SEC31A: variants seen among roughly 807,000 people sequenced by gnomAD.
The protein encoded by SEC31A is SEC31 homolog A, COPII component, also known as protein transport protein Sec31A.
Under a neutral mutation model 151.0 loss-of-function variants are expected in SEC31A, and 70 were observed. That is an observed-to-expected ratio of 0.46 (90% CI 0.38 to 0.57). The LOEUF (loss-of-function observed/expected upper bound fraction) is 0.57. SEC31A is among the 20% of genes least tolerant of loss of function. SEC31A has a pLI of 0.00. For missense variants in SEC31A, 1,330 were observed against 1,471.2 expected (o/e 0.90, Z 1.57); for synonymous variants, 475 against 505.9 (o/e 0.94, Z 0.82).
intron 18 of SEC31A, among the ~76,000 whole-genome samples, chr4:82,853,203 G>T (rs1169500103): frequency 1.3e-5 from 2 of 152,186 alleles, no homozygotes; most frequent in Non-Finnish European, 2.9e-5. Context: ...TGGCATTGGG[G>T]ATGCCTCCTA....
chr4:82,857,721 G>A lies in SEC31A; in HGVS notation c.1670C>T (p.Ser557Phe), dbSNP rs747106758. 1 of 1,603,840 alleles carries A rather than the reference G, an allele frequency of 6.2e-7. No individual in the cohort carries two copies. The highest frequency in any genetic ancestry group is 1.1e-5 in the South Asian group (1 of 90,828). Residue 557 changes from serine (S) to phenylalanine (F), a missense_variant, in exon 15 of 27, where the codon TCT (serine) becomes TTT (phenylalanine). Coordinates refer to ENST00000395310, the MANE Select transcript of SEC31A (RefSeq NM_001077207.4). ...EKEESEFLPS[S>F]GGTFNISVSG... ...GACAGAGATATTAAATGTTCCTCCA[G>A]ATGAGGGTAGAAATTCAGATTCTTC...
At position 82,874,606 on chromosome 4, in the gene SEC31A, C is replaced by T; in HGVS notation, c.639+5G>A. On this transcript the variant is annotated splice_donor_5th_base_variant and intron_variant, in intron 6 of 26. Coordinates refer to ENST00000395310, the MANE Select transcript of SEC31A (RefSeq NM_001077207.4). ...ATGTTCATCACAAGTCAATCACATA[C>T]TTACTCTGTTACTATGGTCACTGAC... 1 of 1,602,670 alleles carries T rather than the reference C, an allele frequency of 6.2e-7. No homozygotes were observed. The highest frequency in any genetic ancestry group is 8.5e-7 in the Non-Finnish European group (1 of 1,177,320).
intron 1 of SEC31A, among the ~76,000 whole-genome samples, chr4:82,887,915 G>A (rs1261539636): frequency 6.6e-6 from 1 of 151,622 alleles, no homozygotes; most frequent in Middle Eastern, 3.5e-3. Context: ...GCGCAGTGGC[G>A]GGCGCCTGTA....
intron 22 of SEC31A, chr4:82,831,016 A>G: frequency 3.4e-6 from 3 of 881,720 alleles, no homozygotes; most frequent in Non-Finnish European, 4.5e-6. Context: ...GTGTTTACTG[A>G]AGACATTCTA....
chr4:82,892,728 C>CT (rs34275304), upstream of SEC31A, among the ~76,000 whole-genome samples: 153 of 151,850 alleles, frequency 1.0e-3, 1 homozygote, highest in African/African-American at 3.4e-3. Flanking sequence ...TGATGCACAT[C>CT]TTTTTTTTGG....
intron 1 of SEC31A, among the ~76,000 whole-genome samples, chr4:82,883,958 T>C (rs1195607840): frequency 1.3e-5 from 2 of 151,466 alleles, no homozygotes; most frequent in African/African-American, 2.4e-5. Flanking sequence ...TGTCTAGTCA[T>C]GTATTATTTG....
intron 21 of SEC31A, 152 bp downstream of exon 21, chr4:82,844,234 A>G: frequency 5.1e-6 from 4 of 783,240 alleles, no homozygotes; most frequent in Non-Finnish European, 6.0e-6. Flanking sequence ...CACCTCCTAA[A>G]AAAACATGTC....
At chr4:82,829,881 A>G (rs1308426732) in intron 22 of SEC31A, among the ~76,000 whole-genome samples, 1 of 152,252 alleles carries the variant, frequency 6.6e-6, no homozygotes, top group Non-Finnish European at 1.5e-5. Context: ...CATGCTGGAA[A>G]TAAGAATAAT....
chr4:82,834,988 G>A (rs1578151365), intron 22 of SEC31A, among the ~76,000 whole-genome samples: 2 of 152,136 alleles, frequency 1.3e-5, no homozygotes, highest in South Asian at 4.1e-4. Context: ...TGGAATTACA[G>A]GTGCTCGCCA....
At chr4:82,828,267 T>G (rs1426284119) in intron 23 of SEC31A, among the ~76,000 whole-genome samples, 1 of 152,174 alleles carries the variant, frequency 6.6e-6, no homozygotes, top group Admixed American at 6.5e-5. Context: ...AGGTGCCAAG[T>G]ATGCATGGGC....
At chr4:82,859,000 C>T (rs574410393) in intron 14 of SEC31A, among the ~76,000 whole-genome samples, 33 of 151,934 alleles carry the variant, frequency 2.2e-4, no homozygotes, top group African/African-American at 5.1e-4. Context: ...CACGCCAGGC[C>T]GGAAAATATA....
Position 82,824,630 on chromosome 4 carries a change from A to T in SEC31A, c.3336T>A (p.Ile1112=). Residue 1112 remains isoleucine (I), a synonymous_variant, in exon 25 of 27, where the codon ATT becomes ATA. Coordinates refer to ENST00000395310, the MANE Select transcript of SEC31A (RefSeq NM_001077207.4). ...LPTKKITKKP[I]PDEHLILKTT... ...TCTTTAGAATGAGGTGCTCATCTGG[A>T]ATAGGTTTCTTGGTAATTTTTTTTG... 1.2e-6 allele frequency: 2 copies of T among 1,614,114 alleles called. No individual in the cohort carries two copies. The highest frequency in any genetic ancestry group is 8.5e-7 in the Non-Finnish European group (1 of 1,179,986).
At chr4:82,839,442 C>T (rs1024732432) in intron 22 of SEC31A, among the ~76,000 whole-genome samples, 4 of 151,914 alleles carry the variant, frequency 2.6e-5, no homozygotes, top group Admixed American at 6.6e-5. Flanking sequence ...TGAGCCACCG[C>T]GCCCAGCCTA....
chr4:82,837,276 A>AAATAAACCTAAATT (rs1727616733), intron 22 of SEC31A, among the ~76,000 whole-genome samples: 1 of 149,742 alleles, frequency 6.7e-6, no homozygotes, highest in Admixed American at 6.7e-5. Context: ...TGAAGGGAAT[A>AAATAAACCTAAATT]AATAAACCTA....
intron 4 of SEC31A, among the ~76,000 whole-genome samples, chr4:82,878,341 A>G (rs539414764): frequency 8.8e-4 from 134 of 152,100 alleles, no homozygotes; most frequent in South Asian, 2.3e-3. Context: ...TAAAAGTACA[A>G]AAATTAGCTG....
intron 23 of SEC31A, among the ~76,000 whole-genome samples, chr4:82,828,573 G>C (rs1490226472): frequency 7.0e-6 from 1 of 143,232 alleles, no homozygotes; most frequent in Non-Finnish European, 1.5e-5. Context: ...ATAGTGCTCA[G>C]CCACAAGGCT....
chr4:82,884,830 T>C (rs1438923761), intron 1 of SEC31A, among the ~76,000 whole-genome samples: 1 of 152,204 alleles, frequency 6.6e-6, no homozygotes, highest in Non-Finnish European at 1.5e-5. Context: ...AACTAAGTCC[T>C]CTTTATTGAT....
intron 2 of SEC31A, 50 bp downstream of exon 2, chr4:82,881,808 G>T: frequency 7.2e-7 from 1 of 1,388,996 alleles, no homozygotes; most frequent in Non-Finnish European, 1.0e-6. Flanking sequence ...GCTAGGTGCA[G>T]AAGAGAAGAA....
At chr4:82,897,718 G>A (rs963972429) in intron 3 of SEC31A, 1 of 152,044 alleles carries the variant, frequency 6.6e-6, no homozygotes, top group Non-Finnish European at 1.5e-5. Flanking sequence ...CAGCCTGGGT[G>A]ACAGAGTGAG....
Sources: gnomAD v4.1 joint callset for allele counts (sites outside exome capture counted in the v4.1 genomes callset) on GRCh38, gnomAD v4.1.1 for gene constraint, MANE v1.5 for transcripts, NCBI Gene and HGNC (gene_info 2026-07-23, HGNC 2026-07-21) for gene names.